The following CTCF variants were observed in gnomAD, a reference collection of about 807,000 sequenced individuals.
CTCF encodes the protein transcriptional repressor CTCF.
Under a neutral mutation model 72.3 loss-of-function variants are expected in CTCF, and 7 were observed. The ratio of observed to expected loss-of-function variants is 0.10; its 90% confidence interval spans 0.06 to 0.18. The LOEUF is 0.18. Ranked by LOEUF, CTCF falls within the 10% of genes least tolerant of loss-of-function variation. The probability of loss-of-function intolerance (pLI) is 1.00; values close to 1 mark genes in which losing one functional copy is unlikely to be tolerated. For missense variants in CTCF, 516 were observed against 949.1 expected (o/e 0.54, Z 6.00); for synonymous variants, 374 against 315.8 (o/e 1.18, Z -1.95).
At chr16:67,571,897 A>G (rs2051426532) in intron 2 of CTCF, among the ~76,000 whole-genome samples, 1 of 152,200 alleles carries the variant, frequency 6.6e-6, no homozygotes, top group Non-Finnish European at 1.5e-5. Flanking sequence ...CCTTCTATAA[A>G]TATTGGAATC....
chr16:67,636,699 A>C lies in CTCF; in HGVS notation c.1847A>C (p.Glu616Ala), dbSNP rs774627741. The C allele has an allele frequency of 6.3e-7, 1 of 1,598,612 alleles. No homozygotes were observed. Among genetic ancestry groups the C allele is most frequent in the East Asian group, 2.3e-5 (1 of 44,026 alleles). The change falls in exon 11 of 12, where the codon GAA becomes GCA. Residue 616 changes from glutamate (E) to alanine (A), a missense_variant. Transcript: ENST00000264010. ...KEDSSDSENA[E>A]PDLDDNEDEE... ...CTGATTTCATGAAAAGAAAATGCTG[A>C]ACCAGATCTGGACGACAATGAGGAT...
chr16:67,596,221 G>A (rs1374065474), intron 2 of CTCF, among the ~76,000 whole-genome samples: 9 of 152,230 alleles, frequency 5.9e-5, no homozygotes, highest in Admixed American at 3.3e-4. Context: ...CAAAGTGCTG[G>A]GATTACAGGC....
chr16:67,570,966 G>A (rs556311555), intron 1 of CTCF, 182 bp from the exon 2 acceptor site: 1 of 152,150 alleles, frequency 6.6e-6, no homozygotes, highest in Admixed American at 6.6e-5. Flanking sequence ...ATAAATGAAT[G>A]TTTTGTTATT....
chr16:67,564,442 T>C (rs1033540015), intron 1 of CTCF, among the ~76,000 whole-genome samples: 3 of 152,212 alleles, frequency 2.0e-5, no homozygotes, highest in African/African-American at 7.2e-5. Flanking sequence ...CTCACTGCAG[T>C]CCTCTTCGTA....
At chr16:67,579,340 T>G (rs1179062080) in intron 2 of CTCF, among the ~76,000 whole-genome samples, 1 of 152,016 alleles carries the variant, frequency 6.6e-6, no homozygotes, top group Non-Finnish European at 1.5e-5. Context: ...TGAGTTGTTT[T>G]CAATCTTTGT....
chr16:67,590,122 T>C (rs2051720223), intron 2 of CTCF, among the ~76,000 whole-genome samples: 1 of 151,902 alleles, frequency 6.6e-6, no homozygotes, highest in Admixed American at 6.6e-5. Context: ...ACTTTTTTTT[T>C]TTTTTTTAAA....
chr16:67,618,289 C>T (rs1385799377), intron 5 of CTCF, among the ~76,000 whole-genome samples: 2 of 152,126 alleles, frequency 1.3e-5, no homozygotes, highest in Admixed American at 6.5e-5. Flanking sequence ...GTAGTCTCAG[C>T]GACTCGGGAG....
intron 2 of CTCF, among the ~76,000 whole-genome samples, chr16:67,603,865 A>T (rs1175767755): frequency 1.3e-5 from 2 of 150,246 alleles, no homozygotes; most frequent in African/African-American, 4.9e-5. Flanking sequence ...ACGGTGGTTT[A>T]TGCCTGTAAT....
At chr16:67,569,811 G>T (rs1191865257) in intron 1 of CTCF, among the ~76,000 whole-genome samples, 1 of 151,436 alleles carries the variant, frequency 6.6e-6, no homozygotes, top group Non-Finnish European at 1.5e-5. Context: ...TCAGCCTCCT[G>T]AATAGCTGGG....
chr16:67,582,801 C>T (rs2051604234), intron 2 of CTCF, among the ~76,000 whole-genome samples: 1 of 151,636 alleles, frequency 6.6e-6, no homozygotes, highest in Non-Finnish European at 1.5e-5. Context: ...CTTTTTTGGT[C>T]CTGTTCTTGT....
intron 2 of CTCF, among the ~76,000 whole-genome samples, chr16:67,610,350 CTTTT>C (rs1158978403): frequency 3.3e-5 from 4 of 121,388 alleles, no homozygotes; most frequent in Non-Finnish European, 6.9e-5. Flanking sequence ...TTTTCTTTTT[CTTTT>C]TTTTTTTTTT....
At chr16:67,622,574 C>T (rs1382160164) in intron 7 of CTCF, among the ~76,000 whole-genome samples, 1 of 150,634 alleles carries the variant, frequency 6.6e-6, no homozygotes, top group Non-Finnish European at 1.5e-5. Flanking sequence ...TGCTCCAGTT[C>T]TTTATGAGTG....
At chr16:67,562,920 C>A (rs1280716528) in intron 1 of CTCF, among the ~76,000 whole-genome samples, 196 bp downstream of exon 1, 35 of 128,076 alleles carry the variant, frequency 2.7e-4, no homozygotes, top group African/African-American at 1.1e-3. Flanking sequence ...CCCCCACCCC[C>A]ACGCCCGCCC....
intron 2 of CTCF, among the ~76,000 whole-genome samples, chr16:67,580,950 A>G (rs114997912): frequency 0.038 from 5,629 of 149,664 alleles, 344 homozygotes; most frequent in African/African-American, 0.13. Flanking sequence ...TATTTTTGAG[A>G]TGGAATCTCG....
chr16:67,615,360 A>C lies in CTCF; in HGVS notation c.953-1385A>C, dbSNP rs536603071. The C allele has an allele frequency of 2.6e-5, 4 of 152,476 alleles. No individual in the cohort carries two copies. In the South Asian group the frequency reaches 8.3e-4, roughly 32 times the overall value. 9.4% of individuals were successfully genotyped at this position (152,476 alleles called of 1,614,324 possible). A position where few individuals can be genotyped will look rare whatever the true frequency, so the allele number is the denominator to read the frequency against. On this transcript the variant is annotated intron_variant, in intron 4 of 11. Transcript: ENST00000264010. ...CCAAGCATGGTGGCTCACAACCTGT[A>C]ATCTCAGGACTTTGTGAGGCCGAGG...
At chr16:67,580,098 A>G (rs1323109480) in intron 2 of CTCF, among the ~76,000 whole-genome samples, 2 of 152,224 alleles carry the variant, frequency 1.3e-5, no homozygotes, top group Non-Finnish European at 2.9e-5. Context: ...GAGGGGAAGC[A>G]GGGAAACTGT....
chr16:67,585,546 T>C (rs1367333789), intron 2 of CTCF, among the ~76,000 whole-genome samples: 1 of 152,232 alleles, frequency 6.6e-6, no homozygotes. Flanking sequence ...ATAATCTTTA[T>C]GTGATAAGAA....
At chr16:67,596,526 C>T (rs538161699) in intron 2 of CTCF, among the ~76,000 whole-genome samples, 10 of 151,812 alleles carry the variant, frequency 6.6e-5, no homozygotes, top group African/African-American at 2.4e-4. Flanking sequence ...TGGCCATTTT[C>T]TTTTTAGTTT....
At chr16:67,620,893 G>A in intron 6 of CTCF, 76 bp downstream of exon 6, 2 of 1,256,844 alleles carry the variant, frequency 1.6e-6, no homozygotes, top group Non-Finnish European at 2.2e-6. Flanking sequence ...GGACCACTGT[G>A]TGTCCCCATT....
Sources: gnomAD v4.1 joint callset for allele counts (sites outside exome capture counted in the v4.1 genomes callset) on GRCh38, gnomAD v4.1.1 for gene constraint, MANE v1.5 for transcripts, NCBI Gene and HGNC (gene_info 2026-07-23, HGNC 2026-07-21) for gene names.